Variants in ITPK1 observed in about 807,000 individuals in gnomAD.
ITPK1 encodes inositol-tetrakisphosphate 1-kinase, also known as inositol 1,3,4-trisphosphate 5/6-kinase.
ITPK1 carries 21 observed loss-of-function variants against 45.3 expected under a neutral mutation model. The observed-to-expected ratio is 0.46, with a 90% confidence interval of 0.33 to 0.67. ITPK1 has a LOEUF of 0.67. Among genes scored for constraint, ITPK1 ranks in the 30% least tolerant of loss-of-function variants. The pLI is 0.02. For synonymous variants in ITPK1, 258 were observed against 253.6 expected, an observed-to-expected ratio of 1.02 and a Z score of -0.16; for missense variants, 474 against 573.5, an observed-to-expected ratio of 0.83 and a Z score of 1.77.
intron 5 of ITPK1, among the ~76,000 whole-genome samples, chr14:92,965,250 A>C (rs1885284107): frequency 1.3e-5 from 2 of 152,264 alleles, no homozygotes; most frequent in African/African-American, 4.8e-5. Flanking sequence ...ACACCATATC[A>C]ATAGAGGACA....
chr14:92,968,105 C>G (rs1241473093), intron 5 of ITPK1, among the ~76,000 whole-genome samples: 2 of 151,998 alleles, frequency 1.3e-5, no homozygotes, highest in Non-Finnish European at 2.9e-5. Flanking sequence ...CGAGGTGGGC[C>G]GATCACCTGA....
At chr14:93,087,657 C>A (rs1891701671) in intron 2 of ITPK1, among the ~76,000 whole-genome samples, 1 of 152,210 alleles carries the variant, frequency 6.6e-6, no homozygotes, top group Non-Finnish European at 1.5e-5. Flanking sequence ...CCTTACTTTG[C>A]CCACCACAAC....
At chr14:93,037,464 C>T (rs111840006) in intron 3 of ITPK1, among the ~76,000 whole-genome samples, 10 of 152,210 alleles carry the variant, frequency 6.6e-5, no homozygotes, top group African/African-American at 2.2e-4. Flanking sequence ...TGGCTGAAGG[C>T]GCAGGTAAGC....
intron 4 of ITPK1, among the ~76,000 whole-genome samples, chr14:93,005,788 C>A (rs1215137432): frequency 6.6e-6 from 1 of 152,246 alleles, no homozygotes; most frequent in African/African-American, 2.4e-5. Context: ...CTATTCACTA[C>A]AGCATGTTTC....
At chr14:92,980,408 C>A (rs1004040102) in intron 5 of ITPK1, among the ~76,000 whole-genome samples, 7 of 152,188 alleles carry the variant, frequency 4.6e-5, no homozygotes, top group Non-Finnish European at 1.0e-4. Flanking sequence ...CAAGTCCACT[C>A]CAAGCCAGGT....
chr14:93,015,131 C>T (rs1032474063), intron 4 of ITPK1, among the ~76,000 whole-genome samples: 26 of 152,206 alleles, frequency 1.7e-4, no homozygotes, highest in African/African-American at 6.3e-4. Flanking sequence ...CACCCCAGGA[C>T]AGTTGTGTAG....
chr14:93,026,392 A>T (rs4900171), intron 3 of ITPK1, among the ~76,000 whole-genome samples: 4,061 of 152,350 alleles, frequency 0.027, 98 homozygotes, highest in Admixed American at 0.085. Context: ...AACATATAAA[A>T]ATTAGAAAAT....
intron 3 of ITPK1, among the ~76,000 whole-genome samples, chr14:93,019,299 C>T (rs369263235): frequency 1.4e-4 from 22 of 152,290 alleles, no homozygotes; most frequent in Admixed American, 6.5e-4. Flanking sequence ...GTTCCCTTGG[C>T]GCTGGGGAAG....
At chr14:92,979,749 G>A (rs770480286) in intron 5 of ITPK1, among the ~76,000 whole-genome samples, 7 of 151,896 alleles carry the variant, frequency 4.6e-5, no homozygotes, top group Non-Finnish European at 7.4e-5. Flanking sequence ...CTGCAAAACC[G>A]TGAGTCAATT....
At chr14:93,075,535 G>A (rs1420082218) in intron 3 of ITPK1, among the ~76,000 whole-genome samples, 2 of 152,042 alleles carry the variant, frequency 1.3e-5, no homozygotes, top group Admixed American at 6.5e-5. Context: ...AGGGAGGTCA[G>A]GAGGATCCTT....
chr14:93,015,716 G>A (rs1024868056), intron 4 of ITPK1, among the ~76,000 whole-genome samples: 1 of 152,246 alleles, frequency 6.6e-6, no homozygotes, highest in Admixed American at 6.5e-5. Context: ...GTGGGAAGCA[G>A]GAATGTGCAG....
At position 93,032,653 on chromosome 14, in the gene ITPK1, C is replaced by T. The variant is rs1356610283; in HGVS notation, c.121-15852G>A. ...GCCCCACCCTCAATGGGAGGAAGTC[C>T]CCCAGGGACCACATACACACCATGC... On this transcript the variant is annotated intron_variant, in intron 3 of 10. Transcript: ENST00000267615. The surrounding 1 kb of genome is among the most constrained non-coding windows in gnomAD (Gnocchi z 4.0). Among the ~76,000 whole-genome samples, 1 of 152,158 alleles carries T rather than the reference C, an allele frequency of 6.6e-6. No homozygotes were observed. The highest frequency in any genetic ancestry group is 1.5e-5 in the Non-Finnish European group (1 of 68,030).
intron 3 of ITPK1, among the ~76,000 whole-genome samples, chr14:93,042,933 G>C (rs1398264928): frequency 3.9e-5 from 6 of 152,090 alleles, no homozygotes; most frequent in Non-Finnish European, 7.4e-5. Context: ...CAAGAGAATA[G>C]CTTGAACCCA....
chr14:93,098,418 C>A (rs1316893913), intron 2 of ITPK1, among the ~76,000 whole-genome samples: 1 of 150,776 alleles, frequency 6.6e-6, no homozygotes, highest in Non-Finnish European at 1.5e-5. Context: ...GATCACGCTG[C>A]CGCACTCCAA....
intron 5 of ITPK1, among the ~76,000 whole-genome samples, chr14:92,985,875 G>C (rs1392503160): frequency 6.6e-6 from 1 of 152,162 alleles, no homozygotes. Context: ...CTATGAGGAA[G>C]GTGCCACCAA....
At chr14:92,953,623 G>A (rs762992388) in intron 8 of ITPK1, among the ~76,000 whole-genome samples, 4 of 152,216 alleles carry the variant, frequency 2.6e-5, no homozygotes, top group African/African-American at 4.8e-5. Flanking sequence ...AGCAGTTGCC[G>A]AATGGCGGAG....
intron 3 of ITPK1, among the ~76,000 whole-genome samples, chr14:93,056,757 CAGTG>C (rs1890230109): frequency 6.6e-6 from 1 of 152,194 alleles, no homozygotes; most frequent in Non-Finnish European, 1.5e-5. Context: ...GCCCAGGCTT[CAGTG>C]CCATAAACAA....
chr14:92,982,163 A>G (rs1886267269), intron 5 of ITPK1, among the ~76,000 whole-genome samples: 1 of 152,186 alleles, frequency 6.6e-6, no homozygotes, highest in African/African-American at 2.4e-5. Flanking sequence ...AGGGAAAACC[A>G]TTGTATTACT....
chr14:93,111,999 G>A (rs1042795179), intron 2 of ITPK1, among the ~76,000 whole-genome samples: 1 of 152,090 alleles, frequency 6.6e-6, no homozygotes, highest in Non-Finnish European at 1.5e-5. Flanking sequence ...CATGGCCCAT[G>A]AAGTGGCTCT....
Sources: gnomAD v4.1 joint callset for allele counts (sites outside exome capture counted in the v4.1 genomes callset) on GRCh38, gnomAD v4.1.1 for gene constraint, Gnocchi (gnomAD v3.1) non-coding constraint, MANE v1.5 for transcripts, NCBI Gene and HGNC (gene_info 2026-07-23, HGNC 2026-07-21) for gene names.